UPK3A: variants seen among roughly 807,000 people sequenced by gnomAD.
UPK3A encodes uroplakin 3A.
UPK3A carries 32 observed loss-of-function variants against 27.6 expected under a neutral mutation model. The ratio of observed to expected loss-of-function variants is 1.16; its 90% CI spans 0.87 to 1.55. The LOEUF (loss-of-function observed/expected upper bound fraction) is 1.55, where lower values mean the gene tolerates loss of function less well. UPK3A is among the 40% of genes most tolerant of loss of function. The pLI is 0.00. For missense variants in UPK3A, 370 were observed against 367.9 expected (o/e 1.01, Z -0.05); for synonymous variants, 171 against 163.9 (o/e 1.04, Z -0.33).
intron 4 of UPK3A, among the ~76,000 whole-genome samples, 172 bp from the exon 5 acceptor site, chr22:45,293,009 T>G (rs1235676704): frequency 6.6e-6 from 1 of 150,706 alleles, no homozygotes; most frequent in African/African-American, 2.4e-5. Flanking sequence ...AAGTGGAATG[T>G]GGGGGAAAAT....
rs573358550 is a variant in UPK3A at position 45,288,121 on chromosome 22, AG to A, written c.488+672del. Among the ~76,000 whole-genome samples the A allele has an allele frequency of 7.2e-5, 11 of 152,228 alleles. No individual in the cohort carries two copies. The South Asian group carries it at 2.3e-3, about 32-fold the overall frequency. On this transcript the variant is annotated intron_variant, in intron 3 of 5. Coordinates refer to ENST00000216211, the MANE Select transcript of UPK3A (RefSeq NM_006953.4). Reference sequence around the variant, plus strand: ...GAAAGGAAACTGTGCCAGAGAGGGAAGGTCACCCAGTGGAAAGCTGGGGCCC... The same window carrying A: ...GAAAGGAAACTGTGCCAGAGAGGGAAGTCACCCAGTGGAAAGCTGGGGCCC...
In UPK3A at chr22:45,289,117, G is replaced by A. The variant is rs147609981; in HGVS notation, c.545G>A (p.Trp182Ter). ...STGLVEDQTL[W>*]SDPIRTNQLT... ...GGCTTGGTAGAGGACCAGACCCTGT[G>A]GTCAGACCCCATCCGCACCAACCAG... Residue 182 changes from tryptophan (W) to a stop codon, truncating the protein, a stop_gained, in exon 4 of 6, where the codon TGG becomes TAG. Coordinates refer to ENST00000216211, the MANE Select transcript of UPK3A (RefSeq NM_006953.4). LOFTEE classifies it high-confidence loss of function. 2.4e-3 allele frequency: 3,794 copies of A among 1,614,032 alleles called. 40 individuals carry two copies. The highest frequency in any genetic ancestry group is 0.022 in the East Asian group (994 of 44,876).
At chr22:45,289,215 A>C in intron 4 of UPK3A, 72 bp downstream of exon 4, 1 of 1,490,418 alleles carries the variant, frequency 6.7e-7, no homozygotes, top group Non-Finnish European at 9.3e-7. Context: ...CGGCGGTGAG[A>C]ACCAAGGCTC....
intron 4 of UPK3A, among the ~76,000 whole-genome samples, chr22:45,291,025 A>G (rs972324852): frequency 6.6e-6 from 1 of 152,176 alleles, no homozygotes; most frequent in African/African-American, 2.4e-5. Context: ...ATATATGGCA[A>G]AGTAATAATA....
chr22:45,292,812 G>T (rs992090770), intron 4 of UPK3A, among the ~76,000 whole-genome samples: 8 of 152,060 alleles, frequency 5.3e-5, no homozygotes, highest in African/African-American at 1.7e-4. Context: ...GGAGGCTGGG[G>T]TGGGAGGATG....
At position 45,285,995 on chromosome 22, in the gene UPK3A, C is replaced by CA; in HGVS notation, c.108dup (p.Leu37ThrfsTer14). ...GTGACTTTCGCCACCAACAACCCCA[C>CA]ACTTACCACTGTGGCCTTGGAAAAG... On this transcript the variant is annotated frameshift_variant, in exon 2 of 6. Transcript: ENST00000216211. LOFTEE classifies it high-confidence loss of function. 1 of 1,614,210 alleles carries CA rather than the reference C, an allele frequency of 6.2e-7. No individual in the cohort carries two copies. The highest frequency in any genetic ancestry group is 8.5e-7 in the Non-Finnish European group (1 of 1,180,016).
At position 45,286,046 on chromosome 22, in the gene UPK3A, A is replaced by G; in HGVS notation, c.158A>G (p.Glu53Gly). 6.2e-7 allele frequency: 1 copy of G among 1,614,150 alleles called. No individual in the cohort carries two copies. Among genetic ancestry groups the G allele is most frequent in the Non-Finnish European group, 8.5e-7 (1 of 1,180,026 alleles). ...EKPLCMFDSK[E>G]ALTGTHEVYL... Reference sequence around the variant, plus strand: ...CCTCTCTGCATGTTTGACAGCAAAGAGGCCCTCACTGGCACCCACGAGGTC... The same window carrying G: ...CCTCTCTGCATGTTTGACAGCAAAGGGGCCCTCACTGGCACCCACGAGGTC... Residue 53 changes from glutamate (E) to glycine (G), a missense_variant, in exon 2 of 6, where the codon GAG becomes GGG. Transcript: ENST00000216211.
chr22:45,289,100 A>G lies in UPK3A; in HGVS notation c.528A>G (p.Val176=), dbSNP rs908157656. ...TGGTCAATATGTCCACGGGCTTGGT[A>G]GAGGACCAGACCCTGTGGTCAGACC... ...YVLVNMSTGL[V]EDQTLWSDPI... is the part of the protein sequence containing the mutation. Residue 176 remains valine (V), a synonymous_variant, in exon 4 of 6, where the codon GTA becomes GTG. Transcript: ENST00000216211. The G allele has an allele frequency of 9.3e-6, 15 of 1,613,880 alleles. No individual in the cohort carries two copies. The African/African-American group carries it at 1.3e-4, about 14-fold the overall frequency.
chr22:45,295,414 C>A, intron 5 of UPK3A, 146 bp from the exon 6 acceptor site: 1 of 924,892 alleles, frequency 1.1e-6, no homozygotes, highest in Non-Finnish European at 1.8e-6. Flanking sequence ...AGGGTCAGTG[C>A]TCCAGAAAGA....
intron 4 of UPK3A, 25 bp from the exon 5 acceptor site, chr22:45,293,156 G>T (rs771282493): frequency 1.9e-6 from 3 of 1,612,556 alleles, no homozygotes; most frequent in Non-Finnish European, 2.5e-6. Flanking sequence ...TGTCTGGGAA[G>T]TAACCGGGCT....
chr22:45,293,997 C>T (rs1383521404), intron 5 of UPK3A, among the ~76,000 whole-genome samples: 1 of 152,030 alleles, frequency 6.6e-6, no homozygotes, highest in Non-Finnish European at 1.5e-5. Flanking sequence ...GACAGGTGAA[C>T]CCACAGTCCA....
intron 4 of UPK3A, among the ~76,000 whole-genome samples, chr22:45,289,446 G>GT (rs1480999383): frequency 6.6e-6 from 1 of 151,994 alleles, no homozygotes; most frequent in Non-Finnish European, 1.5e-5. Flanking sequence ...AGGCGTGGTG[G>GT]GGGTGCCTTT....
chr22:45,289,023 G>A, intron 3 of UPK3A, 38 bp from the exon 4 acceptor site: 1 of 1,608,346 alleles, frequency 6.2e-7, no homozygotes, highest in Non-Finnish European at 8.5e-7. Context: ...GGGGCTCACA[G>A]GAAGCATAAA....
chr22:45,293,249 A>G lies in UPK3A; in HGVS notation c.640A>G (p.Ile214Val). ...RSGGMIVITS[I>V]LGSLPFFLLV... Reference sequence around the variant, plus strand: ...CGGAGGCATGATCGTCATCACTTCCATCCTGGGCTCCCTGCCCTTCTTTCT... The same window carrying G: ...CGGAGGCATGATCGTCATCACTTCCGTCCTGGGCTCCCTGCCCTTCTTTCT... Residue 214 changes from isoleucine (I) to valine (V), a missense_variant, in exon 5 of 6, where the codon ATC becomes GTC. By Grantham distance (29) the Ile-to-Val change is conservative. Coordinates refer to ENST00000216211, the MANE Select transcript of UPK3A (RefSeq NM_006953.4). 1 of 1,614,100 alleles carries G rather than the reference A, an allele frequency of 6.2e-7. No homozygotes were observed. Among genetic ancestry groups the G allele is most frequent in the Non-Finnish European group, 8.5e-7 (1 of 1,180,012 alleles).
intron 1 of UPK3A, 107 bp downstream of exon 1, chr22:45,285,172 T>C (rs1055457858): frequency 1.2e-5 from 13 of 1,095,400 alleles, no homozygotes; most frequent in Non-Finnish European, 1.4e-5. Context: ...GACCCAGATA[T>C]TACTGTTATG....
intron 3 of UPK3A, among the ~76,000 whole-genome samples, chr22:45,288,388 C>T (rs1601847896): frequency 1.3e-5 from 2 of 152,118 alleles, no homozygotes; most frequent in Admixed American, 6.6e-5. Context: ...TTAGTAGAGA[C>T]GGGGTTTCAC....
At chr22:45,291,690 CTG>C (rs1168783995) in intron 4 of UPK3A, among the ~76,000 whole-genome samples, 2 of 87,698 alleles carry the variant, frequency 2.3e-5, no homozygotes, top group African/African-American at 4.5e-5. Context: ...TGTGTGGTGT[CTG>C]GTGTGTGAGA....
chr22:45,288,900 TGTTGCCCA>T (rs780807322), intron 3 of UPK3A, among the ~76,000 whole-genome samples, 153 bp from the exon 4 acceptor site: 19 of 152,078 alleles, frequency 1.2e-4, no homozygotes, highest in Non-Finnish European at 2.6e-4. Context: ...AGCACTGTCC[TGTTGCCCA>T]GAGCCCGCTC....
At chr22:45,285,212 C>A in intron 1 of UPK3A, 147 bp downstream of exon 1, 1 of 762,112 alleles carries the variant, frequency 1.3e-6, no homozygotes, top group Non-Finnish European at 2.0e-6. Flanking sequence ...GTTTACGGGC[C>A]TCCTCTGTTG....
Sources: gnomAD v4.1 joint callset for allele counts (sites outside exome capture counted in the v4.1 genomes callset) on GRCh38, gnomAD v4.1.1 for gene constraint, MANE v1.5 for transcripts, NCBI Gene and HGNC (gene_info 2026-07-23, HGNC 2026-07-21) for gene names.